The following MUSK variants were observed in gnomAD, a reference collection of about 807,000 sequenced individuals.
MUSK encodes the protein muscle associated receptor tyrosine kinase, also known as muscle, skeletal receptor tyrosine-protein kinase.
MUSK carries 55 observed loss-of-function variants against 88.7 expected under a neutral mutation model. The ratio of observed to expected loss-of-function variants is 0.62; its 90% CI spans 0.50 to 0.78. MUSK has a LOEUF of 0.78. MUSK is among the 30% of genes least tolerant of loss of function. The probability of loss-of-function intolerance (pLI) is 0.00; values close to 1 mark genes in which losing one functional copy is unlikely to be tolerated. For missense variants in MUSK, 1,015 were observed against 1,074.3 expected (o/e 0.94, Z 0.77); for synonymous variants, 387 against 391.9 (o/e 0.99, Z 0.15).
chr9:110,675,562 CTTTTT>C (rs10607243), intron 1 of MUSK, among the ~76,000 whole-genome samples: 37 of 61,614 alleles, frequency 6.0e-4, no homozygotes, highest in African/African-American at 2.4e-3. Context: ...ATAGTCTTCC[CTTTTT>C]TTTTTTTTTT....
rs34467305 is a variant in MUSK at position 110,744,430 on chromosome 9, C to T, written c.754-3211C>T. Among the ~76,000 whole-genome samples, 416 of 152,226 alleles carry T rather than the reference C, an allele frequency of 2.7e-3. 2 individuals carry two copies. Among genetic ancestry groups the T allele is most frequent in the South Asian group, 0.022 (108 of 4,822 alleles). On this transcript the variant is annotated intron_variant, in intron 6 of 14. Transcript: ENST00000374448. ...AGCTGGGGGTGGATTCTCTCAAGAC[C>T]GCATTAGTAATGTATTAATGATACA...
Position 110,687,147 on chromosome 9 carries a change from G to C in MUSK, c.237G>C (p.Glu79Asp), listed in dbSNP as rs2076207628. 15 of 1,613,546 alleles carry C rather than the reference G, an allele frequency of 9.3e-6. No individual in the cohort carries two copies. The highest frequency in any genetic ancestry group is 1.1e-5 in the Non-Finnish European group (13 of 1,179,726). The change falls in exon 3 of 15, where the codon GAG (glutamate) becomes GAC (aspartate). Residue 79 changes from glutamate to aspartate, a missense_variant. By Grantham distance (45) the Glu-to-Asp change is conservative (BLOSUM62 2). Coordinates refer to ENST00000374448, the MANE Select transcript of MUSK (RefSeq NM_005592.4). ...TTGACACCCGGTACAGCATCCGGGA[G>C]AATGGGCAGCTCCTCACCATCCTGA... ...KLFDTRYSIR[E>D]NGQLLTILSV...
intron 13 of MUSK, among the ~76,000 whole-genome samples, chr9:110,786,582 T>A (rs1030817569): frequency 1.3e-5 from 2 of 152,150 alleles, no homozygotes; most frequent in African/African-American, 4.8e-5. Context: ...ATATTTTTAA[T>A]CATAATTTCT....
chr9:110,722,704 A>G lies in MUSK; in HGVS notation c.629-11547A>G, dbSNP rs185259138. ...CAAAGAACTGAAACAGCAAGAAAAA[A>G]AAAATCCCATCAAAAAGTGGGCTAA... On this transcript the variant is annotated intron_variant, in intron 5 of 14. Transcript: ENST00000374448. Among the ~76,000 whole-genome samples, 356 of 152,214 alleles carry G rather than the reference A, an allele frequency of 2.3e-3. 1 individual carries two copies. The highest frequency in any genetic ancestry group is 7.4e-3 in the African/African-American group (309 of 41,560).
At chr9:110,759,588 A>G (rs1306289286) in intron 7 of MUSK, among the ~76,000 whole-genome samples, 1 of 152,240 alleles carries the variant, frequency 6.6e-6, no homozygotes, top group Non-Finnish European at 1.5e-5. Context: ...CAAAGGTCTA[A>G]TATTTCAGAA....
At chr9:110,711,560 T>C (rs574950479) in intron 5 of MUSK, among the ~76,000 whole-genome samples, 16 of 152,308 alleles carry the variant, frequency 1.1e-4, no homozygotes, top group African/African-American at 3.8e-4. Flanking sequence ...CGAAATCTTA[T>C]GGAGAAATTT....
intron 3 of MUSK, 53 bp from the exon 4 acceptor site, chr9:110,695,347 CTAG>C (rs1446079273): frequency 8.3e-7 from 1 of 1,211,258 alleles, no homozygotes; most frequent in Non-Finnish European, 1.1e-6. Context: ...GTTAGAAACT[CTAG>C]GTTTAATAAA....
chr9:110,681,881 C>T (rs995053641), intron 1 of MUSK, among the ~76,000 whole-genome samples: 1 of 152,088 alleles, frequency 6.6e-6, no homozygotes, highest in South Asian at 2.1e-4. Flanking sequence ...TTGATGTATA[C>T]CTTGCCCTTT....
chr9:110,767,301 A>T (rs1030190100), intron 8 of MUSK, among the ~76,000 whole-genome samples: 1 of 152,224 alleles, frequency 6.6e-6, no homozygotes, highest in African/African-American at 2.4e-5. Flanking sequence ...AAGATGTGTG[A>T]GTGGGAGAAT....
chr9:110,683,451 A>G lies in MUSK; in HGVS notation c.206+651A>G, dbSNP rs1319878091. 2.6e-5 allele frequency among the ~76,000 whole-genome samples: 4 copies of G among 152,212 alleles called. No individual in the cohort carries two copies. The East Asian group carries it at 7.7e-4, about 29-fold the overall frequency. ...TGCTGCAACAAACATAGGAGTATAG[A>G]TATCTCTTTGATATACTGATTTCCT... On this transcript the variant is annotated intron_variant, in intron 2 of 14. Coordinates refer to ENST00000374448, the MANE Select transcript of MUSK (RefSeq NM_005592.4).
At chr9:110,762,317 G>A (rs192660558) in intron 8 of MUSK, 109 bp downstream of exon 8, 16 of 737,218 alleles carry the variant, frequency 2.2e-5, no homozygotes, top group Admixed American at 2.0e-4. Context: ...CTGGAGTGCG[G>A]TGGAGTATGT....
chr9:110,767,848 T>C lies in MUSK; in HGVS notation c.949T>C (p.Cys317Arg). Residue 317 changes from cysteine to arginine, a missense_variant, in exon 9 of 15, where the codon TGC becomes CGC. Transcript: ENST00000374448. ...SKPQKDNKGY[C>R]AQYRGEVCNA... The stretch of plus-strand genomic sequence containing the variant: ...ACCACAGAAAGATAACAAAGGCTAC[T>C]GCGCCCAGTACAGAGGGGAGGTGTG... 1.2e-6 allele frequency: 2 copies of C among 1,614,026 alleles called. No homozygotes were observed. Among genetic ancestry groups the C allele is most frequent in the Non-Finnish European group, 1.7e-6 (2 of 1,179,882 alleles).
At chr9:110,698,534 A>G (rs895857152) in intron 5 of MUSK, among the ~76,000 whole-genome samples, 3 of 152,048 alleles carry the variant, frequency 2.0e-5, no homozygotes, top group Admixed American at 2.0e-4. Context: ...TCATTCATAT[A>G]GTTTTCTATT....
At chr9:110,774,961 A>G (rs1253271384) in intron 9 of MUSK, among the ~76,000 whole-genome samples, 3 of 151,934 alleles carry the variant, frequency 2.0e-5, no homozygotes, top group South Asian at 4.1e-4. Flanking sequence ...ATTATGTTTA[A>G]TTTATTTAAT....
chr9:110,738,021 G>A (rs538441062), intron 6 of MUSK, among the ~76,000 whole-genome samples: 1 of 151,974 alleles, frequency 6.6e-6, no homozygotes, highest in Non-Finnish European at 1.5e-5. Context: ...TCTTAAAGTT[G>A]GCTCCTGCTT....
intron 3 of MUSK, among the ~76,000 whole-genome samples, chr9:110,689,728 A>AAAT (rs1564217925): frequency 0.12 from 9,308 of 75,396 alleles, 1,350 homozygotes; most frequent in African/African-American, 0.26. Context: ...TGTTATATAT[A>AAAT]GTTTATATAT....
intron 1 of MUSK, among the ~76,000 whole-genome samples, chr9:110,675,389 T>C (rs1197857788): frequency 6.8e-6 from 1 of 146,458 alleles, no homozygotes; most frequent in Non-Finnish European, 1.5e-5. Flanking sequence ...GCCCGGCTAA[T>C]TTTTTGTATT....
chr9:110,780,518 G>A (rs1158760209), intron 11 of MUSK, among the ~76,000 whole-genome samples: 2 of 152,224 alleles, frequency 1.3e-5, no homozygotes, highest in Non-Finnish European at 1.5e-5. Flanking sequence ...GTCTCCTCAT[G>A]TATTTCCTTA....
chr9:110,749,989 G>A (rs1336044974), intron 7 of MUSK, among the ~76,000 whole-genome samples: 1 of 152,010 alleles, frequency 6.6e-6, no homozygotes, highest in Non-Finnish European at 1.5e-5. Context: ...ATTTGATCAA[G>A]ACCTACTGTT....
Sources: allele counts gnomAD v4.1 joint callset (sites outside exome capture counted in the v4.1 genomes callset), GRCh38; gene constraint gnomAD v4.1.1; transcripts MANE v1.5; gene names NCBI Gene and HGNC (gene_info 2026-07-23, HGNC 2026-07-21).